ALPK1: variants seen among roughly 807,000 people sequenced by gnomAD.
ALPK1 encodes alpha-protein kinase 1.
A neutral mutation model predicts 120.6 loss-of-function variants in ALPK1; 110 were observed. The observed-to-expected ratio is 0.91, with a 90% CI of 0.78 to 1.07. The LOEUF (loss-of-function observed/expected upper bound fraction) is 1.07. ALPK1 is among the 50% of genes least tolerant of loss of function. ALPK1 has a pLI of 0.00. For synonymous variants in ALPK1, 582 were observed against 560.3 expected, an observed-to-expected ratio of 1.04 and a Z score of -0.55; for missense variants, 1,498 against 1,483.9, an observed-to-expected ratio of 1.01 and a Z score of -0.16.
chr4:112,349,715 G>A (rs1242924009), intron 2 of ALPK1, among the ~76,000 whole-genome samples: 1 of 152,066 alleles, frequency 6.6e-6, no homozygotes, highest in Non-Finnish European at 1.5e-5. Context: ...CACCACGCCT[G>A]GCTAATAGTT....
At chr4:112,338,182 G>C (rs1249365742) in intron 2 of ALPK1, among the ~76,000 whole-genome samples, 1 of 152,192 alleles carries the variant, frequency 6.6e-6, no homozygotes, top group African/African-American at 2.4e-5. Context: ...GGCCAGGCCA[G>C]TCTCGAACTC....
chr4:112,414,699 G>A (rs1471986066), intron 5 of ALPK1: 1 of 163,004 alleles, frequency 6.1e-6, no homozygotes, highest in African/African-American at 2.4e-5. Context: ...CACAGTTACA[G>A]ATAAAGGCTC....
chr4:112,299,492 A>T (rs1727693792), intron 1 of ALPK1, among the ~76,000 whole-genome samples: 1 of 152,174 alleles, frequency 6.6e-6, no homozygotes, highest in Admixed American at 6.5e-5. Flanking sequence ...TTTACTATTG[A>T]TTTTAAGGAA....
At chr4:112,318,842 T>C (rs760091512) in intron 2 of ALPK1, among the ~76,000 whole-genome samples, 3 of 152,232 alleles carry the variant, frequency 2.0e-5, no homozygotes, top group Non-Finnish European at 4.4e-5. Flanking sequence ...TGTTAGACTC[T>C]GCCATACTGT....
intron 2 of ALPK1, among the ~76,000 whole-genome samples, chr4:112,338,381 C>A (rs1240358806): frequency 6.6e-6 from 1 of 152,034 alleles, no homozygotes; most frequent in Non-Finnish European, 1.5e-5. Context: ...GAGTTTTTTT[C>A]TATACTTTTT....
In ALPK1 at chr4:112,431,929, C is replaced by A. The variant is rs1193571562; in HGVS notation, c.2382C>A (p.Ser794Arg). Residue 794 changes from serine to arginine, a missense_variant, in exon 11 of 16, where the codon AGC becomes AGA. Ser to Arg is a moderately radical substitution (Grantham distance 110). Coordinates refer to ENST00000650871, the MANE Select transcript of ALPK1 (RefSeq NM_025144.4). ...ACCCAGAAGGAGAAACAGCAGAAAG[C>A]ACTGAAGATGCACCCTTAGACTTTC... is the stretch of plus-strand genomic sequence containing the variant. The part of the protein sequence containing the change: ...WVDPEGETAE[S>R]TEDAPLDFHR... 6.2e-7 allele frequency: 1 copy of A among 1,614,070 alleles called. No homozygotes were observed. Among genetic ancestry groups the A allele is most frequent in the Admixed American group, 1.7e-5 (1 of 60,036 alleles).
Position 112,441,088 on chromosome 4 carries a change from C to T in ALPK1, c.3710C>T (p.Pro1237Leu). 2 of 1,613,866 alleles carry T rather than the reference C, an allele frequency of 1.2e-6. No homozygotes were observed. Among genetic ancestry groups the T allele is most frequent in the South Asian group, 1.1e-5 (1 of 91,068 alleles). Residue 1237 changes from proline to leucine, a missense_variant, in exon 15 of 16, where the codon CCT becomes CTT. Coordinates refer to ENST00000650871, the MANE Select transcript of ALPK1 (RefSeq NM_025144.4). ...EICHRLSLTR[P>L]SMEKPCT ...TGCCATCGTCTTTCTTTGACTAGACCTTCAATGGAGAAACCATGTAAGTCA... is the reference window on the plus strand; with the variant it reads ...TGCCATCGTCTTTCTTTGACTAGACTTTCAATGGAGAAACCATGTAAGTCA...
intron 4 of ALPK1, among the ~76,000 whole-genome samples, chr4:112,408,584 C>G (rs1733305366): frequency 6.6e-6 from 1 of 151,992 alleles, no homozygotes; most frequent in Non-Finnish European, 1.5e-5. Context: ...AGTGATTCTC[C>G]TGCCTCAGCC....
At position 112,429,352 on chromosome 4, in the gene ALPK1, G is replaced by A. The variant is rs983890948; in HGVS notation, c.900+99G>A. On this transcript the variant is annotated intron_variant, in intron 10 of 15. Transcript: ENST00000650871. Reference sequence around the variant, plus strand: ...AGGGAAAGGTTTAACCTTCAAACAGGCTTTGTGTCTCATCAGTGGCAATTG... The same window carrying A: ...AGGGAAAGGTTTAACCTTCAAACAGACTTTGTGTCTCATCAGTGGCAATTG... 4.4e-6 allele frequency: 4 copies of A among 911,438 alleles called. No homozygotes were observed. In the African/African-American group the frequency reaches 6.6e-5, roughly 15 times the overall value. 56.5% of individuals were successfully genotyped at this position (911,438 alleles called of 1,614,324 possible). A position where few individuals can be genotyped will look rare whatever the true frequency, so the allele number is the denominator to read the frequency against.
chr4:112,439,366 C>T (rs1046288814), intron 13 of ALPK1, among the ~76,000 whole-genome samples: 3 of 152,172 alleles, frequency 2.0e-5, no homozygotes, highest in Admixed American at 6.5e-5. Flanking sequence ...CATGATCTAA[C>T]TTCATGTCCT....
intron 4 of ALPK1, among the ~76,000 whole-genome samples, chr4:112,391,252 C>A (rs923567477): frequency 2.6e-5 from 4 of 152,138 alleles, no homozygotes; most frequent in African/African-American, 9.7e-5. Flanking sequence ...TGGAAGTTTT[C>A]CTTTGCCTTG....
intron 1 of ALPK1, among the ~76,000 whole-genome samples, chr4:112,310,766 G>A (rs73843071): frequency 6.6e-6 from 1 of 151,704 alleles, no homozygotes; most frequent in African/African-American, 2.4e-5. Context: ...AGTTTTTTTT[G>A]ATAATTAAAT....
At chr4:112,357,237 A>G in intron 2 of ALPK1, 1 of 1,495,672 alleles carries the variant, frequency 6.7e-7, no homozygotes, top group Admixed American at 1.9e-5. Flanking sequence ...GACTCACTGG[A>G]CCAGATCATC....
chr4:112,338,122 A>G (rs1729703627), intron 2 of ALPK1, among the ~76,000 whole-genome samples: 1 of 152,094 alleles, frequency 6.6e-6, no homozygotes, highest in Admixed American at 6.5e-5. Flanking sequence ...GCACGCCACC[A>G]TGCCCAGCTA....
intron 1 of ALPK1, among the ~76,000 whole-genome samples, chr4:112,314,851 A>T: frequency 6.7e-6 from 1 of 148,320 alleles, no homozygotes; most frequent in Admixed American, 6.7e-5. Flanking sequence ...AAAAATGTAA[A>T]TTACTGGGAA....
chr4:112,410,740 G>A (rs1033831877), intron 4 of ALPK1, among the ~76,000 whole-genome samples: 12 of 152,218 alleles, frequency 7.9e-5, no homozygotes, highest in African/African-American at 2.4e-4. Flanking sequence ...AGATGATGAT[G>A]TTTTTTCATA....
At chr4:112,408,839 C>T (rs1005583396) in intron 4 of ALPK1, among the ~76,000 whole-genome samples, 17 of 152,056 alleles carry the variant, frequency 1.1e-4, no homozygotes, top group African/African-American at 3.4e-4. Context: ...CGAACTCAGT[C>T]GAAGTTTTGA....
chr4:112,349,422 A>G (rs977054227), intron 2 of ALPK1, among the ~76,000 whole-genome samples: 3 of 152,190 alleles, frequency 2.0e-5, no homozygotes, highest in African/African-American at 7.2e-5. Flanking sequence ...AACTTTATTG[A>G]TAGCAATAAT....
At chr4:112,411,414 G>A (rs1183616733) in intron 4 of ALPK1, among the ~76,000 whole-genome samples, 3 of 152,070 alleles carry the variant, frequency 2.0e-5, no homozygotes, top group Non-Finnish European at 4.4e-5. Flanking sequence ...TAGTAGAGAT[G>A]GGGTTTCACC....
Sources: allele counts gnomAD v4.1 joint callset (sites outside exome capture counted in the v4.1 genomes callset), GRCh38; gene constraint gnomAD v4.1.1; transcripts MANE v1.5; gene names NCBI Gene and HGNC (gene_info 2026-07-23, HGNC 2026-07-21).